SOX6: variants seen among roughly 807,000 people sequenced by gnomAD.
SOX6 encodes transcription factor SOX-6.
A neutral mutation model predicts 97.8 loss-of-function variants in SOX6; 11 were observed. The ratio of observed to expected loss-of-function variants is 0.11; its 90% CI spans 0.07 to 0.19. The LOEUF is 0.19. SOX6 is among the 10% of genes least tolerant of loss of function. The pLI is 1.00. For missense variants in SOX6, 810 were observed against 1,039.5 expected (o/e 0.78, Z 3.04); for synonymous variants, 360 against 371.4 (o/e 0.97, Z 0.35).
At chr11:16,315,153 GTC>G (rs1217230971) in intron 3 of SOX6, 2 of 152,082 alleles carry the variant, frequency 1.3e-5, no homozygotes, top group African/African-American at 4.8e-5. Context: ...GGCCAGGATG[GTC>G]TTGATCTCCT....
At chr11:16,085,622 C>T (rs766654772) in intron 9 of SOX6, among the ~76,000 whole-genome samples, 1 of 152,118 alleles carries the variant, frequency 6.6e-6, no homozygotes, top group Non-Finnish European at 1.5e-5. Flanking sequence ...CTCTCACCAG[C>T]GTTAATTAAA....
At chr11:16,699,441 T>C (rs1848077070) in intron 3 of SOX6, among the ~76,000 whole-genome samples, 1 of 152,128 alleles carries the variant, frequency 6.6e-6, no homozygotes, top group South Asian at 2.1e-4. Context: ...TTGGGGTGCT[T>C]ATTTAGAATG....
intron 1 of SOX6, among the ~76,000 whole-genome samples, chr11:16,355,456 C>G (rs934565698): frequency 6.6e-6 from 1 of 151,984 alleles, no homozygotes; most frequent in Non-Finnish European, 1.5e-5. Flanking sequence ...ATAAATAATA[C>G]TTTCAATACA....
At chr11:16,248,208 CA>C (rs1377728633) in intron 3 of SOX6, among the ~76,000 whole-genome samples, 2 of 152,136 alleles carry the variant, frequency 1.3e-5, no homozygotes, top group Non-Finnish European at 2.9e-5. Context: ...AGGTAAAGCC[CA>C]ACCCCTGGCT....
At chr11:16,160,119 C>T (rs528799688) in intron 6 of SOX6, among the ~76,000 whole-genome samples, 122 of 152,174 alleles carry the variant, frequency 8.0e-4, no homozygotes, top group African/African-American at 2.7e-3. Flanking sequence ...GATAGGTTTA[C>T]GGTTTAAGGT....
chr11:16,061,395 A>T (rs1847949618), intron 9 of SOX6, among the ~76,000 whole-genome samples: 1 of 151,824 alleles, frequency 6.6e-6, no homozygotes, highest in Non-Finnish European at 1.5e-5. Flanking sequence ...ATTGTAGATG[A>T]CATAAACAAA....
intron 4 of SOX6, among the ~76,000 whole-genome samples, chr11:16,596,823 A>G (rs1209711850): frequency 2.0e-5 from 3 of 152,172 alleles, no homozygotes; most frequent in Admixed American, 2.0e-4. Context: ...TAATTTTCTA[A>G]TTTGTATTAA....
At position 16,579,669 on chromosome 11, in the gene SOX6, G is replaced by A. The variant is rs904434333; in HGVS notation, n.609+32412C>T. Among the ~76,000 whole-genome samples the A allele has an allele frequency of 7.2e-5, 11 of 152,054 alleles. No individual in the cohort carries two copies. In the South Asian group the frequency reaches 2.1e-3, roughly 29 times the overall value. Reference sequence around the variant, plus strand: ...TGCTGAATAGTCTTCCACCGAGTAAGTATACCACAATTAATGTACTCTCCT... The same window carrying A: ...TGCTGAATAGTCTTCCACCGAGTAAATATACCACAATTAATGTACTCTCCT... On this transcript the variant is annotated intron_variant and non_coding_transcript_variant, in intron 4 of 5. Transcript: ENST00000524520.
intron 4 of SOX6, among the ~76,000 whole-genome samples, chr11:16,581,522 TGA>T (rs755768649): frequency 1.3e-5 from 2 of 152,086 alleles, no homozygotes; most frequent in Non-Finnish European, 2.9e-5. Flanking sequence ...GATGACAGGT[TGA>T]GAGGTGCAGC....
chr11:16,519,221 G>C (rs775111870), intron 4 of SOX6, among the ~76,000 whole-genome samples: 3 of 151,678 alleles, frequency 2.0e-5, no homozygotes, highest in African/African-American at 4.8e-5. Flanking sequence ...TTTTAATTCA[G>C]GGGGTACATG....
At chr11:16,486,286 T>C (rs1860432674) in intron 4 of SOX6, among the ~76,000 whole-genome samples, 1 of 152,084 alleles carries the variant, frequency 6.6e-6, no homozygotes, top group Admixed American at 6.5e-5. Flanking sequence ...TAAAAAAGAA[T>C]ATATTTTGTA....
upstream of SOX6, among the ~76,000 whole-genome samples, chr11:16,477,171 T>C (rs1171666229): frequency 6.6e-6 from 1 of 152,176 alleles, no homozygotes; most frequent in Admixed American, 6.5e-5. Flanking sequence ...CTTTCAAAAA[T>C]GTGAGCATGG....
At chr11:16,411,529 CA>C (rs1858819068) in intron 1 of SOX6, among the ~76,000 whole-genome samples, 1 of 151,832 alleles carries the variant, frequency 6.6e-6, no homozygotes, top group Non-Finnish European at 1.5e-5. Flanking sequence ...TTAAAAAAAA[CA>C]GGATATTATT....
chr11:16,142,768 G>A (rs540605732), intron 6 of SOX6, among the ~76,000 whole-genome samples: 2 of 152,062 alleles, frequency 1.3e-5, no homozygotes, highest in Admixed American at 1.3e-4. Flanking sequence ...AAGATCAAAT[G>A]AATGAAATGA....
intron 4 of SOX6, among the ~76,000 whole-genome samples, chr11:16,519,810 C>G (rs959238959): frequency 2.6e-5 from 4 of 152,124 alleles, no homozygotes; most frequent in African/African-American, 9.7e-5. Context: ...AATTTACATT[C>G]CCACCAACAG....
chr11:16,313,378 A>G (rs1299575491), intron 3 of SOX6: 1 of 152,170 alleles, frequency 6.6e-6, no homozygotes, highest in East Asian at 1.9e-4. Context: ...GTAATCATTT[A>G]TCATGTCAAT....
chr11:16,035,307 T>C (rs1855490988), intron 12 of SOX6, among the ~76,000 whole-genome samples: 1 of 152,200 alleles, frequency 6.6e-6, no homozygotes, highest in South Asian at 2.1e-4. Context: ...CAATATTAAC[T>C]GTGTGAATGT....
At chr11:16,545,767 T>C (rs1847613520) in intron 4 of SOX6, among the ~76,000 whole-genome samples, 1 of 152,000 alleles carries the variant, frequency 6.6e-6, no homozygotes, top group Admixed American at 6.6e-5. Flanking sequence ...CCCTGGGCAA[T>C]ATAATGAGAT....
In SOX6 at chr11:16,032,949, C is replaced by CCTT. The variant is rs1473203606; in HGVS notation, c.1623+13562_1623+13564dup. ...ACCAAGGGATTGATCAGGACGGCCT[C>CCTT]CTTTTATCTTCATTAGCTTAATTAG... On this transcript the variant is annotated intron_variant, in intron 12 of 15. Coordinates refer to ENST00000683767, the MANE Select transcript of SOX6 (RefSeq NM_001367873.1). Among the ~76,000 whole-genome samples the CCTT allele has an allele frequency of 3.9e-5, 6 of 152,310 alleles. No individual in the cohort carries two copies. In the South Asian group the frequency reaches 1.2e-3, roughly 32 times the overall value.
Sources: gnomAD v4.1 joint callset for allele counts (sites outside exome capture counted in the v4.1 genomes callset) on GRCh38, gnomAD v4.1.1 for gene constraint, MANE v1.5 for transcripts, NCBI Gene and HGNC (gene_info 2026-07-23, HGNC 2026-07-21) for gene names.